ASTN1: variants seen among roughly 807,000 people sequenced by gnomAD.
ASTN1 encodes astrotactin 1, also known as astrotactin-1.
Under a neutral mutation model 140.7 loss-of-function variants are expected in ASTN1, and 41 were observed. That is an observed-to-expected ratio of 0.29 (90% CI 0.23 to 0.38). The LOEUF (loss-of-function observed/expected upper bound fraction) is 0.38. ASTN1 is among the 10% of genes least tolerant of loss of function. ASTN1 has a pLI of 1.00. For missense variants in ASTN1, 1,479 were observed against 1,678.8 expected, an observed-to-expected ratio of 0.88 and a Z score of 2.08; for synonymous variants, 640 against 652.2, an observed-to-expected ratio of 0.98 and a Z score of 0.29.
chr1:177,035,649 G>T (rs1160497481), intron 2 of ASTN1, among the ~76,000 whole-genome samples: 1 of 152,190 alleles, frequency 6.6e-6, no homozygotes, highest in Non-Finnish European at 1.5e-5. Flanking sequence ...ATTTAGATGA[G>T]AAATGTGTAC....
intron 2 of ASTN1, among the ~76,000 whole-genome samples, chr1:177,046,832 G>A (rs1169577184): frequency 1.3e-5 from 2 of 152,146 alleles, no homozygotes; most frequent in Admixed American, 6.5e-5. Flanking sequence ...CAGAGACGAG[G>A]CCTGAAGAGA....
At chr1:177,074,143 T>A (rs1420853743) in intron 1 of ASTN1, among the ~76,000 whole-genome samples, 1 of 152,160 alleles carries the variant, frequency 6.6e-6, no homozygotes, top group Non-Finnish European at 1.5e-5. Flanking sequence ...ACAAAGATCC[T>A]TTTATTTCAT....
At chr1:177,149,218 TAA>T (rs1348085699) in intron 1 of ASTN1, among the ~76,000 whole-genome samples, 1 of 100,632 alleles carries the variant, frequency 9.9e-6, no homozygotes, top group African/African-American at 5.1e-5. Flanking sequence ...GTATATATAG[TAA>T]ATATATATAG....
intron 8 of ASTN1, among the ~76,000 whole-genome samples, chr1:176,991,200 A>G (rs553533454): frequency 6.6e-6 from 1 of 152,114 alleles, no homozygotes; most frequent in East Asian, 1.9e-4. Flanking sequence ...CTGAGGTAGG[A>G]AGTTCAAGTT....
At chr1:177,057,998 C>T (rs1455026521) in intron 2 of ASTN1, among the ~76,000 whole-genome samples, 1 of 152,172 alleles carries the variant, frequency 6.6e-6, no homozygotes, top group Non-Finnish European at 1.5e-5. Context: ...ACAGGATACC[C>T]TCAGGCTTTA....
At chr1:177,153,897 T>G (rs930096797) in intron 1 of ASTN1, among the ~76,000 whole-genome samples, 3 of 152,058 alleles carry the variant, frequency 2.0e-5, no homozygotes, top group Non-Finnish European at 4.4e-5. Context: ...ACTCAGTGGA[T>G]TGACAAATAT....
At chr1:176,904,247 T>A (rs1669889946) in intron 16 of ASTN1, among the ~76,000 whole-genome samples, 1 of 152,108 alleles carries the variant, frequency 6.6e-6, no homozygotes, top group Admixed American at 6.5e-5. Context: ...TTGCAGTCCA[T>A]CCCCTCAGCT....
chr1:177,076,154 C>G (rs1678893870), intron 1 of ASTN1, among the ~76,000 whole-genome samples: 1 of 151,558 alleles, frequency 6.6e-6, no homozygotes, highest in Non-Finnish European at 1.5e-5. Context: ...TTGCACGAGC[C>G]TGTAGTCCCA....
At chr1:177,158,328 G>T (rs935781772) in intron 1 of ASTN1, among the ~76,000 whole-genome samples, 1 of 152,174 alleles carries the variant, frequency 6.6e-6, no homozygotes, top group Non-Finnish European at 1.5e-5. Context: ...AATGGTGATA[G>T]ATGACCATGT....
chr1:176,930,926 C>T (rs887066678), intron 16 of ASTN1, among the ~76,000 whole-genome samples: 2 of 152,018 alleles, frequency 1.3e-5, no homozygotes, highest in Non-Finnish European at 2.9e-5. Context: ...AGAGAGAGTT[C>T]AGTGACTGAA....
chr1:176,883,084 T>C (rs894272425), intron 19 of ASTN1, 90 bp from the exon 20 acceptor site: 1 of 1,528,918 alleles, frequency 6.5e-7, no homozygotes, highest in South Asian at 1.2e-5. Context: ...GAACTTAACA[T>C]GACAATGATT....
intron 5 of ASTN1, 82 bp downstream of exon 5, chr1:177,029,552 C>A: frequency 1.4e-6 from 2 of 1,426,594 alleles, no homozygotes; most frequent in Non-Finnish European, 2.0e-6. Context: ...AGCCCACAAC[C>A]CAACCCAACA....
intron 3 of ASTN1, among the ~76,000 whole-genome samples, chr1:177,031,501 C>G (rs1446776538): frequency 6.6e-6 from 1 of 152,132 alleles, no homozygotes; most frequent in Non-Finnish European, 1.5e-5. Flanking sequence ...GTGTTATGGT[C>G]AATATGAAGA....
intron 1 of ASTN1, among the ~76,000 whole-genome samples, chr1:177,116,198 C>G (rs1245831061): frequency 6.6e-6 from 1 of 152,118 alleles, no homozygotes; most frequent in Non-Finnish European, 1.5e-5. Flanking sequence ...ATTACCACTC[C>G]TTTGACCACA....
intron 11 of ASTN1, among the ~76,000 whole-genome samples, chr1:176,951,164 A>T (rs1312397501): frequency 6.6e-6 from 1 of 152,220 alleles, no homozygotes; most frequent in Non-Finnish European, 1.5e-5. Flanking sequence ...ACAGCATTTA[A>T]AGAAGTTTCC....
intron 8 of ASTN1, among the ~76,000 whole-genome samples, chr1:177,003,820 A>T (rs1674858299): frequency 6.6e-6 from 1 of 151,390 alleles, no homozygotes; most frequent in Non-Finnish European, 1.5e-5. Flanking sequence ...CTAAAAAAAA[A>T]AAAGAAAGAA....
chr1:176,878,100 G>A lies in ASTN1; in HGVS notation c.3363-1463C>T, dbSNP rs112406331. Among the ~76,000 whole-genome samples the A allele has an allele frequency of 2.6e-3, 399 of 152,178 alleles. 3 individuals carry two copies. The highest frequency in any genetic ancestry group is 3.5e-3 in the Non-Finnish European group (240 of 68,004). ...CAAATTATCATGCTGAATTACGGGG[G>A]CCTCACACAGGCAGCCCCCATACCA... On this transcript the variant is annotated intron_variant, in intron 20 of 22. Coordinates refer to ENST00000361833, the MANE Select transcript of ASTN1 (RefSeq NM_004319.3).
Position 176,861,415 on chromosome 1 carries a change from C to A in ASTN1, c.*2869G>T, listed in dbSNP as rs1313606149. On this transcript the variant is annotated 3_prime_UTR_variant, in exon 23 of 23. Coordinates refer to ENST00000361833, the MANE Select transcript of ASTN1 (RefSeq NM_004319.3). Reference sequence around the variant, plus strand: ...TGGGAGAGTGTTGGTGGGATATAAGCACCTCCCTTAAGACCTGTTTGGCAG... The same window carrying A: ...TGGGAGAGTGTTGGTGGGATATAAGAACCTCCCTTAAGACCTGTTTGGCAG... 1 of 985,708 alleles carries A rather than the reference C, an allele frequency of 1.0e-6. No homozygotes were observed. The highest frequency in any genetic ancestry group is 1.7e-5 in the African/African-American group (1 of 57,228). The allele number at this position is 985,708 out of a possible 1,614,324, so 61.1% of individuals were successfully genotyped here. A position where few individuals can be genotyped will look rare whatever the true frequency, so the allele number is the denominator to read the frequency against.
intron 8 of ASTN1, among the ~76,000 whole-genome samples, chr1:176,980,464 A>G (rs959130277): frequency 2.1e-5 from 3 of 140,666 alleles, no homozygotes; most frequent in African/African-American, 9.8e-5. Context: ...GCCCGTTTCT[A>G]TGAGACTCTC....
Sources: allele counts gnomAD v4.1 joint callset (sites outside exome capture counted in the v4.1 genomes callset), GRCh38; gene constraint gnomAD v4.1.1; transcripts MANE v1.5; gene names NCBI Gene and HGNC (gene_info 2026-07-23, HGNC 2026-07-21).